SCRIB: variants seen among roughly 807,000 people sequenced by gnomAD.
SCRIB encodes the protein scribble planar cell polarity protein.
In SCRIB, 72 loss-of-function variants were observed where a neutral mutation model predicts 170.0. The observed-to-expected ratio is 0.42, with a 90% CI of 0.35 to 0.52. The LOEUF is 0.52. SCRIB is among the 20% of genes least tolerant of loss of function. The pLI is 0.02. For synonymous variants in SCRIB, 1,298 were observed against 1,044.3 expected (o/e 1.24, Z -4.68); for missense variants, 2,475 against 2,338.5 (o/e 1.06, Z -1.20).
At chr8:143,809,129 C>A in intron 14 of SCRIB, 104 bp from the exon 15 acceptor site, 1 of 1,428,412 alleles carries the variant, frequency 7.0e-7, no homozygotes, top group East Asian at 2.4e-5. Flanking sequence ...AAAGCCTCCC[C>A]GCCACACAAA....
chr8:143,804,842 GA>G lies in SCRIB; in HGVS notation c.2752-18del. The G allele has an allele frequency of 6.5e-7, 1 of 1,529,062 alleles. No individual in the cohort carries two copies. Among genetic ancestry groups the G allele is most frequent in the South Asian group, 1.2e-5 (1 of 86,104 alleles). 94.7% of individuals were successfully genotyped at this position (1,529,062 alleles called of 1,614,324 possible). On this transcript the variant is annotated intron_variant, in intron 20 of 36. Transcript: ENST00000356994. ...TCCATTAATCTGTGAGAGCGTGCCC[GA>G]ATCAGGGAGGCCCAAGGGCAGAAGG...
chr8:143,807,366 C>A (rs1230421588), intron 16 of SCRIB, among the ~76,000 whole-genome samples, 186 bp downstream of exon 16: 1 of 152,174 alleles, frequency 6.6e-6, no homozygotes, highest in Non-Finnish European at 1.5e-5. Context: ...AGCCTCTCCG[C>A]TCACCCCTGC....
intron 27 of SCRIB, among the ~76,000 whole-genome samples, chr8:143,794,757 C>T (rs370545148): frequency 6.6e-6 from 1 of 152,138 alleles, no homozygotes; most frequent in Non-Finnish European, 1.5e-5. Context: ...CCAGCAGCAG[C>T]AGGTGAAGCT....
Position 143,803,904 on chromosome 8 carries a change from G to A in SCRIB, c.3157C>T (p.Arg1053Trp), listed in dbSNP as rs782359720. 6.9e-6 allele frequency: 11 copies of A among 1,589,254 alleles called. No homozygotes were observed. Among genetic ancestry groups the A allele is most frequent in the East Asian group, 6.8e-5 (3 of 44,060 alleles). The change falls in exon 23 of 37, where the codon CGG (arginine) becomes TGG (tryptophan). Residue 1053 changes from arginine to tryptophan, a missense_variant. Transcript: ENST00000356994. ...ACTGCCAGGATGCGGTCCCCAACCCGCAGGCCGCTGCGAGCGGCCAGGCCC... is the reference window on the plus strand; with the variant it reads ...ACTGCCAGGATGCGGTCCCCAACCCACAGGCCGCTGCGAGCGGCCAGGCCC... The part of the protein sequence containing the change: ...PRGLAARSGL[R>W]VGDRILAVNG...
chr8:143,800,525 G>T (rs1173964389), intron 24 of SCRIB, among the ~76,000 whole-genome samples: 2 of 152,188 alleles, frequency 1.3e-5, no homozygotes. Flanking sequence ...GGATTTATAA[G>T]AATTACTAGG....
In SCRIB at chr8:143,813,725, G is replaced by A; in HGVS notation, c.358C>T (p.Leu120Phe). 1 of 1,613,466 alleles carries A rather than the reference G, an allele frequency of 6.2e-7. No individual in the cohort carries two copies. The highest frequency in any genetic ancestry group is 8.5e-7 in the Non-Finnish European group (1 of 1,179,976). The part of the protein sequence containing the change: ...ADFSGNPLSR[L>F]PDGFTQLRSL... ...CGCAGCTGAGTGAAGCCATCAGGGAGCCTGGATGGGAGGAAGCAGAGGCCC... is the reference window on the plus strand; with the variant it reads ...CGCAGCTGAGTGAAGCCATCAGGGAACCTGGATGGGAGGAAGCAGAGGCCC... The change falls in exon 4 of 37, where the codon CTC (leucine) becomes TTC (phenylalanine). Residue 120 changes from leucine to phenylalanine, a missense_variant and splice_region_variant. Around this residue, in one of 3 missense-constraint regions of SCRIB, gnomAD observed 487 missense variants for 558.1 expected, o/e 0.87. Coordinates refer to ENST00000356994, the MANE Select transcript of SCRIB (RefSeq NM_182706.5).
chr8:143,797,607 C>A (rs574892706), intron 24 of SCRIB, among the ~76,000 whole-genome samples: 32 of 152,334 alleles, frequency 2.1e-4, no homozygotes, highest in Non-Finnish European at 4.0e-4. Context: ...CACCAGTGAG[C>A]CCTGGTGGTA....
At chr8:143,799,584 G>A (rs191624568) in intron 24 of SCRIB, among the ~76,000 whole-genome samples, 122 of 152,302 alleles carry the variant, frequency 8.0e-4, no homozygotes, top group African/African-American at 2.8e-3. Context: ...CGCAGGGGTC[G>A]GCGCCGACCA....
rs1425686948 is a variant in SCRIB, at chr8:143,810,596, C to T, written c.1413G>A (p.Gln471=). ...EEAAAEKRGL[Q]RRATPHPSEL... ...CGCTGGGGTGAGGTGTGGCCCGGCG[C>T]TGTAGGCCCTGTTGTAGGGACAAGG... The change falls in exon 13 of 37, where the codon CAG becomes CAA. Residue 471 remains glutamine (Q), a synonymous_variant. Coordinates refer to ENST00000356994, the MANE Select transcript of SCRIB (RefSeq NM_182706.5). 6.2e-7 allele frequency: 1 copy of T among 1,613,502 alleles called. No homozygotes were observed. Among genetic ancestry groups the T allele is most frequent in the Admixed American group, 1.7e-5 (1 of 60,012 alleles).
intron 28 of SCRIB, 45 bp downstream of exon 28, chr8:143,793,855 C>T (rs1814821797): frequency 1.9e-6 from 3 of 1,593,524 alleles, no homozygotes; most frequent in Non-Finnish European, 2.6e-6. Flanking sequence ...ATCTGCCCTG[C>T]CCTCCACCCA....
rs114980886 is a variant in SCRIB at position 143,811,422 on chromosome 8, G to A, written c.907-77C>T. 58 of 1,351,034 alleles carry A rather than the reference G, an allele frequency of 4.3e-5. No individual in the cohort carries two copies. The Middle Eastern group carries it at 5.9e-4, about 14-fold the overall frequency. The allele number at this position is 1,351,034 out of a possible 1,614,324, so 83.7% of individuals were successfully genotyped here. A position where few individuals can be genotyped will look rare whatever the true frequency, so the allele number is the denominator to read the frequency against. ...AGGAGATGACAGCCCCTGGCAGGAGGGCACAGACACCCCAGGCCAGCTCCA... is the reference window on the plus strand; with the variant it reads ...AGGAGATGACAGCCCCTGGCAGGAGAGCACAGACACCCCAGGCCAGCTCCA... On this transcript the variant is annotated intron_variant, in intron 9 of 36. Transcript: ENST00000356994.
At chr8:143,798,853 G>A (rs1815054716) in intron 24 of SCRIB, among the ~76,000 whole-genome samples, 1 of 152,060 alleles carries the variant, frequency 6.6e-6, no homozygotes, top group Admixed American at 6.6e-5. Flanking sequence ...CCACCGAGAG[G>A]GGCCAGGTCC....
At position 143,804,943 on chromosome 8, in the gene SCRIB, G is replaced by C; in HGVS notation, c.2742C>G (p.Arg914=). ...CCCCATCCCCACTCACAGAGAGGAC[G>C]CGGTCGCCAACCTGCAGTGTGCCCG... ...HRAGTLQVGD[R]VLSINGVDVT... is the part of the protein sequence containing the mutation. Residue 914 remains arginine, a synonymous_variant, in exon 20 of 37, where the codon CGC becomes CGG. Coordinates refer to ENST00000356994, the MANE Select transcript of SCRIB (RefSeq NM_182706.5). 1.9e-6 allele frequency: 3 copies of C among 1,562,706 alleles called. No homozygotes were observed. Among genetic ancestry groups the C allele is most frequent in the Non-Finnish European group, 2.6e-6 (3 of 1,160,698 alleles).
chr8:143,806,116 A>C (rs1554636503), intron 18 of SCRIB, among the ~76,000 whole-genome samples: 1 of 152,172 alleles, frequency 6.6e-6, no homozygotes, highest in African/African-American at 2.4e-5. Flanking sequence ...TGCCAGGTGC[A>C]GCTGCTGCCC....
chr8:143,808,979 C>G lies in SCRIB; in HGVS notation c.1745G>C (p.Arg582Thr). The part of the protein sequence containing the change: ...AEDALLPGDD[R>T]EIEEGQPEAP... The stretch of plus-strand genomic sequence containing the variant: ...CTCAGGCTGCCCCTCCTCGATCTCC[C>G]TGTCATCCCCGGGCAGCAGTGCGTC... The change falls in exon 15 of 37, where the codon AGG becomes ACG. Residue 582 changes from arginine (R) to threonine (T), a missense_variant. Transcript: ENST00000356994. 6.2e-7 allele frequency: 1 copy of G among 1,613,304 alleles called. No homozygotes were observed. The highest frequency in any genetic ancestry group is 8.5e-7 in the Non-Finnish European group (1 of 1,179,940).
chr8:143,804,419 C>T, intron 21 of SCRIB, 149 bp downstream of exon 21: 1 of 863,958 alleles, frequency 1.2e-6, no homozygotes, highest in South Asian at 2.0e-5. Flanking sequence ...TGGGGCAGAG[C>T]CCCAGCCTCA....
rs551278573 is a variant in SCRIB, at chr8:143,806,475, T to C, written c.2278A>G (p.Ile760Val). The change falls in exon 18 of 37, where the codon ATC (isoleucine) becomes GTC (valine). Residue 760 changes from isoleucine (I) to valine (V), a missense_variant. This residue lies in a region of SCRIB where 1,966 missense variants were observed against 1,742.9 expected (regional missense o/e 1.13). Transcript: ENST00000356994. ...GGGCCTTCCTCGGACACCCGAGAGA[T>C]GAATATGCCCTAGGGCACAGACACG... ...PYKGDDEGIF[I>V]SRVSEEGPAA... is the part of the protein sequence containing the mutation. 2.7e-5 allele frequency: 43 copies of C among 1,596,678 alleles called. No homozygotes were observed. In the South Asian group the frequency reaches 4.3e-4, roughly 16 times the overall value.
At chr8:143,796,430 A>G (rs1428733027) in intron 24 of SCRIB, among the ~76,000 whole-genome samples, 1 of 152,056 alleles carries the variant, frequency 6.6e-6, no homozygotes, top group Non-Finnish European at 1.5e-5. Flanking sequence ...AACACAGCTG[A>G]AATGGTAAGT....
intron 24 of SCRIB, among the ~76,000 whole-genome samples, chr8:143,801,550 A>C (rs1244036803): frequency 6.6e-6 from 1 of 152,236 alleles, no homozygotes; most frequent in African/African-American, 2.4e-5. Flanking sequence ...ATTTTTTTAA[A>C]GGAAAAGATA....
Sources: gnomAD v4.1 joint callset for allele counts (sites outside exome capture counted in the v4.1 genomes callset) on GRCh38, gnomAD v4.1.1 for gene constraint, gnomAD v4.1.1 regional missense constraint, MANE v1.5 for transcripts, NCBI Gene and HGNC (gene_info 2026-07-23, HGNC 2026-07-21) for gene names.